The following PCDHGA9 variants were observed in gnomAD, a reference collection of about 807,000 sequenced individuals.
PCDHGA9 encodes the protein protocadherin gamma subfamily A, 9, also known as protocadherin gamma-A9.
Under a neutral mutation model 62.5 loss-of-function variants are expected in PCDHGA9, and 37 were observed. The observed-to-expected ratio is 0.59, with a 90% CI of 0.46 to 0.78. PCDHGA9 has a LOEUF of 0.78. Ranked by LOEUF, PCDHGA9 falls within the 30% of genes least tolerant of loss-of-function variation. The pLI is 0.00. For missense variants in PCDHGA9, 1,138 were observed against 1,166.2 expected, an observed-to-expected ratio of 0.98 and a Z score of 0.35; for synonymous variants, 459 against 484.6, an observed-to-expected ratio of 0.95 and a Z score of 0.69.
intron 1 of PCDHGA9, among the ~76,000 whole-genome samples, chr5:141,481,245 T>C (rs1362728826): frequency 6.6e-6 from 1 of 152,194 alleles, no homozygotes; most frequent in East Asian, 1.9e-4. Context: ...TTACATAGCA[T>C]AGCTCTAAAA....
chr5:141,473,887 C>T (rs887871337), intron 1 of PCDHGA9, among the ~76,000 whole-genome samples: 3 of 152,144 alleles, frequency 2.0e-5, no homozygotes, highest in Non-Finnish European at 2.9e-5. Context: ...CACAAGGGTT[C>T]TGTTGGTTCA....
intron 3 of PCDHGA9, among the ~76,000 whole-genome samples, chr5:141,506,943 T>A (rs2099857373): frequency 6.6e-6 from 1 of 152,192 alleles, no homozygotes; most frequent in South Asian, 2.1e-4. Context: ...GGGCCTCCTG[T>A]CAATGAATCC....
intron 1 of PCDHGA9, chr5:141,471,645 T>G (rs891817778): frequency 1.3e-5 from 2 of 152,178 alleles, no homozygotes; most frequent in Non-Finnish European, 2.9e-5. Context: ...AGTAATATAC[T>G]GGATGTGGGG....
intron 1 of PCDHGA9, among the ~76,000 whole-genome samples, chr5:141,494,397 A>G (rs965158973): frequency 7.2e-5 from 11 of 152,208 alleles, no homozygotes; most frequent in African/African-American, 2.4e-4. Flanking sequence ...GAATAAATTC[A>G]TTCTAGGGCT....
chr5:141,508,928 G>A (rs1475005703), intron 3 of PCDHGA9, among the ~76,000 whole-genome samples: 1 of 152,076 alleles, frequency 6.6e-6, no homozygotes, highest in East Asian at 1.9e-4. Flanking sequence ...TCCTTTTGGA[G>A]TTAATTAGGG....
chr5:141,478,292 C>T, intron 1 of PCDHGA9: 1 of 1,614,146 alleles, frequency 6.2e-7, no homozygotes, highest in Non-Finnish European at 8.5e-7. Flanking sequence ...GTCTAGAGAC[C>T]TATACCGAGC....
intron 1 of PCDHGA9, chr5:141,421,816 C>T (rs981400135): frequency 1.2e-5 from 19 of 1,613,696 alleles, no homozygotes; most frequent in Non-Finnish European, 1.4e-5. Context: ...AGAGCTAGTA[C>T]TGGAGGGAAG....
At chr5:141,503,023 A>T (rs1163676028) in intron 2 of PCDHGA9, among the ~76,000 whole-genome samples, 1 of 141,884 alleles carries the variant, frequency 7.0e-6, no homozygotes, top group African/African-American at 2.6e-5. Context: ...TTTTTTTTTT[A>T]ATATCTATTT....
At chr5:141,468,995 T>G (rs533843461) in intron 1 of PCDHGA9, among the ~76,000 whole-genome samples, 1 of 147,628 alleles carries the variant, frequency 6.8e-6, no homozygotes, top group Non-Finnish European at 1.5e-5. Context: ...TTATTGTTTT[T>G]GCTGGGTGCG....
At chr5:141,467,987 A>G (rs888811899) in intron 1 of PCDHGA9, among the ~76,000 whole-genome samples, 10 of 152,216 alleles carry the variant, frequency 6.6e-5, no homozygotes, top group Non-Finnish European at 8.8e-5. Flanking sequence ...TCAGAAAACC[A>G]CAATTCTTTC....
At chr5:141,495,102 C>A (rs1344771035) in intron 2 of PCDHGA9, among the ~76,000 whole-genome samples, 3 of 152,160 alleles carry the variant, frequency 2.0e-5, no homozygotes, top group Non-Finnish European at 4.4e-5. Flanking sequence ...CTCGCCACGA[C>A]CGGCACCTTT....
In PCDHGA9 at chr5:141,486,563, G is replaced by A. The variant is rs558244990; in HGVS notation, c.2425-8244G>A. The A allele has an allele frequency of 1.2e-6, 2 of 1,614,006 alleles. No homozygotes were observed. The highest frequency in any genetic ancestry group is 1.7e-6 in the Non-Finnish European group (2 of 1,180,036). On this transcript the variant is annotated intron_variant, in intron 1 of 3. Coordinates refer to ENST00000573521, the MANE Select transcript of PCDHGA9 (RefSeq NM_018921.3). The surrounding 1 kb of genome is among the most constrained non-coding windows in gnomAD (Gnocchi z 5.0). ...CTTTCAGAGGTCACATGAGGTGTTTGTTCCTGAGAACAATCGCCCAGGGGA... is the reference window on the plus strand; with the variant it reads ...CTTTCAGAGGTCACATGAGGTGTTTATTCCTGAGAACAATCGCCCAGGGGA...
intron 1 of PCDHGA9, chr5:141,441,477 C>T (rs529495102): frequency 1.2e-4 from 20 of 170,782 alleles, no homozygotes; most frequent in Middle Eastern, 5.7e-4. Context: ...ATGCCAACGA[C>T]AATGCTCTGG....
At chr5:141,422,936 C>A (rs1428873210) in intron 1 of PCDHGA9, 2 of 1,614,260 alleles carry the variant, frequency 1.2e-6, no homozygotes, top group East Asian at 4.5e-5. Flanking sequence ...GCCCTCCCCA[C>A]AGACGGCTCC....
intron 3 of PCDHGA9, 43 bp downstream of exon 3, chr5:141,505,524 G>A: frequency 6.2e-7 from 1 of 1,612,712 alleles, no homozygotes; most frequent in Non-Finnish European, 8.5e-7. Context: ...GGAGACCTGG[G>A]GTTCTGGGGT....
chr5:141,481,455 C>T (rs2099537897), intron 1 of PCDHGA9, among the ~76,000 whole-genome samples: 1 of 152,176 alleles, frequency 6.6e-6, no homozygotes, highest in African/African-American at 2.4e-5. Flanking sequence ...TGTAAATACA[C>T]TGAAAACCAT....
In PCDHGA9 at chr5:141,419,962, GCT is replaced by G. The variant is rs1374844110; in HGVS notation, c.2424+14589_2424+14590del. ...TGGTGGCCTTGGCCTTGATTTCTGTGCTCTTTCTCCTCGCGGTGATTCTAGCT... is the reference window on the plus strand; with the variant it reads ...TGGTGGCCTTGGCCTTGATTTCTGTGCTTTCTCCTCGCGGTGATTCTAGCT... On this transcript the variant is annotated intron_variant, in intron 1 of 3. Coordinates refer to ENST00000573521, the MANE Select transcript of PCDHGA9 (RefSeq NM_018921.3). The G allele has an allele frequency of 3.1e-6, 5 of 1,613,974 alleles. No homozygotes were observed. In the African/African-American group the frequency reaches 4.0e-5, roughly 13 times the overall value.
rs1160642304 is a variant in PCDHGA9 at position 141,415,415 on chromosome 5, T to C, written c.2424+10039T>C. 7 of 1,614,084 alleles carry C rather than the reference T, an allele frequency of 4.3e-6. No individual in the cohort carries two copies. In the Admixed American group the frequency reaches 8.3e-5, roughly 19 times the overall value. Reference sequence around the variant, plus strand: ...GTGTCCGGCTCGCACTTTGTGGGCGTGGACGGGGTTCGGGCTTTCCTGCAG... The same window carrying C: ...GTGTCCGGCTCGCACTTTGTGGGCGCGGACGGGGTTCGGGCTTTCCTGCAG... On this transcript the variant is annotated intron_variant, in intron 1 of 3. Coordinates refer to ENST00000573521, the MANE Select transcript of PCDHGA9 (RefSeq NM_018921.3).
rs748803155 is a variant in PCDHGA9, at chr5:141,490,087, G to A, written c.2425-4720G>A. On this transcript the variant is annotated intron_variant, in intron 1 of 3. Coordinates refer to ENST00000573521, the MANE Select transcript of PCDHGA9 (RefSeq NM_018921.3). The surrounding 1 kb of genome is among the most constrained non-coding windows in gnomAD (Gnocchi z 5.4). ...CGGCCAACTAGACTATTCTTTTGGA[G>A]ACCACACATCTGAGGCAGTGCGGAA... 2.5e-6 allele frequency: 4 copies of A among 1,614,244 alleles called. No homozygotes were observed. The highest frequency in any genetic ancestry group is 1.3e-5 in the African/African-American group (1 of 75,068).
Sources: gnomAD v4.1 joint callset for allele counts (sites outside exome capture counted in the v4.1 genomes callset) on GRCh38, gnomAD v4.1.1 for gene constraint, Gnocchi (gnomAD v3.1) non-coding constraint, MANE v1.5 for transcripts, NCBI Gene and HGNC (gene_info 2026-07-23, HGNC 2026-07-21) for gene names.